Variants in SCAPER observed in about 807,000 individuals in gnomAD.
SCAPER encodes the protein S-phase cyclin A associated protein in the ER, also known as S phase cyclin A-associated protein in the endoplasmic reticulum.
SCAPER carries 98 observed loss-of-function variants against 182.2 expected under a neutral mutation model. The ratio of observed to expected loss-of-function variants is 0.54; its 90% CI spans 0.46 to 0.64. The LOEUF (loss-of-function observed/expected upper bound fraction) is 0.64. SCAPER is among the 30% of genes least tolerant of loss of function. The pLI, the probability that SCAPER is intolerant of heterozygous loss-of-function variation, is 0.00. For synonymous variants in SCAPER, 605 were observed against 564.6 expected, an observed-to-expected ratio of 1.07 and a Z score of -1.01; for missense variants, 1,432 against 1,690.0, an observed-to-expected ratio of 0.85 and a Z score of 2.68.
At chr15:76,798,090 T>C (rs900792371) in intron 7 of SCAPER, among the ~76,000 whole-genome samples, 19 of 152,074 alleles carry the variant, frequency 1.2e-4, no homozygotes, top group Non-Finnish European at 1.9e-4. Flanking sequence ...CCAGGCACAG[T>C]AGCTTGTACC....
intron 21 of SCAPER, among the ~76,000 whole-genome samples, chr15:76,656,910 G>A (rs2055690448): frequency 6.6e-6 from 1 of 152,166 alleles, no homozygotes; most frequent in Non-Finnish European, 1.5e-5. Flanking sequence ...TGTTAAGCGG[G>A]AAGTTTATAG....
intron 23 of SCAPER, among the ~76,000 whole-genome samples, chr15:76,532,926 A>C (rs2043801302): frequency 6.6e-6 from 1 of 152,186 alleles, no homozygotes; most frequent in Non-Finnish European, 1.5e-5. Context: ...AAATAATTTA[A>C]CACTTATTTA....
At chr15:76,784,500 A>G (rs2064425166) in intron 8 of SCAPER, among the ~76,000 whole-genome samples, 1 of 152,212 alleles carries the variant, frequency 6.6e-6, no homozygotes, top group Non-Finnish European at 1.5e-5. Flanking sequence ...CCATCAAGCT[A>G]CCAATGACTT....
In SCAPER at chr15:76,829,311, G is replaced by A. The variant is rs138477842; in HGVS notation, c.393+12423C>T. Among the ~76,000 whole-genome samples the A allele has an allele frequency of 1.4e-3, 215 of 152,248 alleles. 2 individuals are homozygous for A. The highest frequency in any genetic ancestry group is 6.9e-3 in the Admixed American group (106 of 15,286). On this transcript the variant is annotated intron_variant, in intron 5 of 31. Coordinates refer to ENST00000563290, the MANE Select transcript of SCAPER (RefSeq NM_020843.4). ...TGGATTCTGGGGACTCAGGAAAGGTGGGAGGGGACACAAGAGATAAAAGAC... is the reference window on the plus strand; with the variant it reads ...TGGATTCTGGGGACTCAGGAAAGGTAGGAGGGGACACAAGAGATAAAAGAC...
chr15:76,712,416 T>C (rs1235708901), intron 17 of SCAPER, among the ~76,000 whole-genome samples: 2 of 152,210 alleles, frequency 1.3e-5, no homozygotes, highest in African/African-American at 2.4e-5. Flanking sequence ...GACTTGGCGA[T>C]GCGGGCTCTT....
In SCAPER at chr15:76,795,288, C is replaced by G. The variant is rs771125619; in HGVS notation, c.764G>C (p.Arg255Pro). Residue 255 changes from arginine (R) to proline (P), a missense_variant, in exon 8 of 32, where the codon CGC (arginine) becomes CCC (proline). This residue lies in a region of SCAPER where 480 missense variants were observed against 510.2 expected (regional missense o/e 0.94). Transcript: ENST00000563290. ...AATTCGAAGTCACTTGCCATTTTTG[C>G]GTGAGGCCTTCTGCACTGTCATTGG... ...CPPMTVQKAS[R>P]KNERKDAEGW... is the part of the protein sequence containing the mutation. 2.6e-5 allele frequency: 42 copies of G among 1,607,364 alleles called. No individual in the cohort carries two copies. The South Asian group carries it at 4.7e-4, about 18-fold the overall frequency.
chr15:76,405,718 C>T (rs2044779172), intron 26 of SCAPER, among the ~76,000 whole-genome samples: 2 of 152,260 alleles, frequency 1.3e-5, no homozygotes, highest in Admixed American at 1.3e-4. Context: ...CCTAGAAATT[C>T]AATGCTACTG....
At chr15:76,499,609 T>G (rs533392273) in intron 24 of SCAPER, among the ~76,000 whole-genome samples, 1 of 152,328 alleles carries the variant, frequency 6.6e-6, no homozygotes, top group African/African-American at 2.4e-5. Flanking sequence ...TACAATCTAC[T>G]TGGGGAGATG....
rs1424212088 is a variant in SCAPER, at chr15:76,604,015, G to T, written c.2711+17749C>A. 2.2e-4 allele frequency among the ~76,000 whole-genome samples: 26 copies of T among 120,842 alleles called. 4 individuals are homozygous for T. The highest frequency in any genetic ancestry group is 6.6e-4 in the African/African-American group (26 of 39,520). 79.3% of individuals were successfully genotyped at this position (120,842 alleles called of 152,430 possible). Reference sequence around the variant, plus strand: ...TGGTAGTTTCTTTTGCTGTGCAGAAGCTCTTTAGTTTAATTAGATCCCATT... The same window carrying T: ...TGGTAGTTTCTTTTGCTGTGCAGAATCTCTTTAGTTTAATTAGATCCCATT... On this transcript the variant is annotated intron_variant, in intron 22 of 31. Coordinates refer to ENST00000563290, the MANE Select transcript of SCAPER (RefSeq NM_020843.4).
intron 5 of SCAPER, among the ~76,000 whole-genome samples, chr15:76,821,263 G>C (rs1335756097): frequency 2.0e-5 from 3 of 152,114 alleles, no homozygotes; most frequent in African/African-American, 7.2e-5. Context: ...AACAAACTGT[G>C]GTACATCCAG....
rs2063059132 is a variant in SCAPER at position 76,765,541 on chromosome 15, C to T, written c.1495+22G>A. On this transcript the variant is annotated intron_variant, in intron 12 of 31. Coordinates refer to ENST00000563290, the MANE Select transcript of SCAPER (RefSeq NM_020843.4). ...AACTTTTGAACACTGTACTACACACCCAATATGCATATACACAATACCTTC... is the reference window on the plus strand; with the variant it reads ...AACTTTTGAACACTGTACTACACACTCAATATGCATATACACAATACCTTC... The T allele has an allele frequency of 1.9e-6, 3 of 1,601,370 alleles. No homozygotes were observed. The East Asian group carries it at 6.7e-5, about 36-fold the overall frequency.
chr15:76,885,018 T>G (rs1220132674), intron 1 of SCAPER, among the ~76,000 whole-genome samples: 1 of 152,174 alleles, frequency 6.6e-6, no homozygotes, highest in Non-Finnish European at 1.5e-5. Context: ...GCTGCGGGGT[T>G]AGGAGAAAAT....
chr15:76,712,256 G>A lies in SCAPER; in HGVS notation c.2166-6272C>T, dbSNP rs186327195. On this transcript the variant is annotated intron_variant, in intron 17 of 31. Coordinates refer to ENST00000563290, the MANE Select transcript of SCAPER (RefSeq NM_020843.4). ...AAAGATCAGGTAGTTGTAGATATGC[G>A]GCGTTATTTATGAGGGCTCTGTTCT... Among the ~76,000 whole-genome samples the A allele has an allele frequency of 7.3e-3, 1,108 of 152,082 alleles. 15 individuals carry two copies. The highest frequency in any genetic ancestry group is 0.025 in the African/African-American group (1,036 of 41,468).
intron 7 of SCAPER, among the ~76,000 whole-genome samples, chr15:76,799,578 C>A (rs1380793274): frequency 6.6e-6 from 1 of 152,028 alleles, no homozygotes; most frequent in Non-Finnish European, 1.5e-5. Flanking sequence ...TCAAACATAT[C>A]CACAATGCAG....
chr15:76,735,197 CAGAT>C lies in SCAPER; in HGVS notation c.1867-1817_1867-1814del, dbSNP rs1451603839. Among the ~76,000 whole-genome samples the C allele has an allele frequency of 2.6e-5, 4 of 151,332 alleles. No homozygotes were observed. The East Asian group carries it at 7.8e-4, about 29-fold the overall frequency. ...TATCTCTATTAAATATAAATATATA[CAGAT>C]AGATAGATATAGATATATATATTTA... is the stretch of plus-strand genomic sequence containing the variant. On this transcript the variant is annotated intron_variant, in intron 15 of 31. Coordinates refer to ENST00000563290, the MANE Select transcript of SCAPER (RefSeq NM_020843.4).
chr15:76,595,626 A>G (rs1244625791), intron 22 of SCAPER, among the ~76,000 whole-genome samples: 1 of 122,614 alleles, frequency 8.2e-6, no homozygotes, highest in Admixed American at 9.3e-5. Flanking sequence ...CTCAGACCAC[A>G]GCACAACCAA....
chr15:76,650,465 G>T lies in SCAPER; in HGVS notation c.2645+15188C>A, dbSNP rs183148644. Among the ~76,000 whole-genome samples, 536 of 151,966 alleles carry T rather than the reference G, an allele frequency of 3.5e-3. 6 individuals are homozygous for T. Among genetic ancestry groups the T allele is most frequent in the African/African-American group, 0.012 (498 of 41,514 alleles). ...AATGGGAAAGGGAACAATTTGTCAAGAATATATACTTCTAAATTTGTATAT... is the reference window on the plus strand; with the variant it reads ...AATGGGAAAGGGAACAATTTGTCAATAATATATACTTCTAAATTTGTATAT... On this transcript the variant is annotated intron_variant, in intron 21 of 31. Transcript: ENST00000563290.
At chr15:76,373,357 A>C (rs974515595) in intron 29 of SCAPER, among the ~76,000 whole-genome samples, 7 of 151,884 alleles carry the variant, frequency 4.6e-5, no homozygotes, top group Non-Finnish European at 1.0e-4. Context: ...GCCCTTTTTC[A>C]CAATAACTAA....
intron 25 of SCAPER, among the ~76,000 whole-genome samples, chr15:76,461,889 T>C (rs554116673): frequency 6.6e-6 from 1 of 152,328 alleles, no homozygotes; most frequent in Non-Finnish European, 1.5e-5. Flanking sequence ...TTTGACTTTG[T>C]TGGACTCAAA....
Sources: gnomAD v4.1 joint callset for allele counts (sites outside exome capture counted in the v4.1 genomes callset) on GRCh38, gnomAD v4.1.1 for gene constraint, gnomAD v4.1.1 regional missense constraint, MANE v1.5 for transcripts, NCBI Gene and HGNC (gene_info 2026-07-23, HGNC 2026-07-21) for gene names.